PFDN2: variants seen among roughly 807,000 people sequenced by gnomAD.
The protein encoded by PFDN2 is prefoldin 2.
A neutral mutation model predicts 18.3 loss-of-function variants in PFDN2; 7 were observed. The observed-to-expected ratio is 0.38, with a 90% CI of 0.22 to 0.72. PFDN2 has a LOEUF of 0.72. Among genes scored for constraint, PFDN2 ranks in the 30% least tolerant of loss-of-function variants. PFDN2 has a pLI of 0.47. For synonymous variants in PFDN2, 76 were observed against 75.0 expected (o/e 1.01, Z -0.07); for missense variants, 181 against 199.1 (o/e 0.91, Z 0.55).
At chr1:161,108,546 T>C (rs529350135) in intron 1 of PFDN2, among the ~76,000 whole-genome samples, 31 of 146,868 alleles carry the variant, frequency 2.1e-4, no homozygotes, top group East Asian at 1.8e-3. Context: ...GCCTGGGCAA[T>C]AGAGTGAGAC....
chr1:161,103,625 C>A (rs1280432869), intron 1 of PFDN2, among the ~76,000 whole-genome samples: 7 of 127,160 alleles, frequency 5.5e-5, no homozygotes, highest in African/African-American at 1.9e-4. Flanking sequence ...GCGGAGGTTG[C>A]AGTGAGCTGA....
intron 1 of PFDN2, among the ~76,000 whole-genome samples, chr1:161,107,520 A>G (rs1654706638): frequency 6.6e-6 from 1 of 152,090 alleles, no homozygotes; most frequent in Non-Finnish European, 1.5e-5. Context: ...CCAATATAAA[A>G]TCTCTTTGGA....
intron 1 of PFDN2, among the ~76,000 whole-genome samples, chr1:161,115,004 CAG>C (rs769940963): frequency 2.6e-5 from 4 of 152,144 alleles, no homozygotes; most frequent in South Asian, 2.1e-4. Flanking sequence ...TCTCATTATC[CAG>C]AGTTATCCAA....
At chr1:161,102,213 A>C in intron 2 of PFDN2, 42 bp from the exon 3 acceptor site, 1 of 1,613,536 alleles carries the variant, frequency 6.2e-7, no homozygotes, top group Admixed American at 1.7e-5. Context: ...ATTCAGCCCC[A>C]CTCTACTACA....
chr1:161,113,326 A>G (rs1454911546), intron 1 of PFDN2, among the ~76,000 whole-genome samples: 7 of 152,228 alleles, frequency 4.6e-5, no homozygotes, highest in Non-Finnish European at 7.3e-5. Flanking sequence ...TAATCATGGC[A>G]TAAGTGAAAA....
intron 1 of PFDN2, among the ~76,000 whole-genome samples, chr1:161,109,595 ACTAT>A (rs1186370720): frequency 9.9e-5 from 15 of 152,174 alleles, no homozygotes. Context: ...ACTGTGCTAG[ACTAT>A]CTCATTTAAT....
chr1:161,108,433 G>A (rs943212562), intron 1 of PFDN2, among the ~76,000 whole-genome samples: 5 of 149,134 alleles, frequency 3.4e-5, no homozygotes, highest in Non-Finnish European at 7.4e-5. Context: ...ACTCCAGCCT[G>A]GGCACAAGAC....
intron 1 of PFDN2, among the ~76,000 whole-genome samples, chr1:161,114,106 C>T (rs1382467451): frequency 3.3e-5 from 5 of 152,184 alleles, no homozygotes; most frequent in African/African-American, 7.2e-5. Context: ...TCCATAACCA[C>T]GGCTTTATCA....
intron 3 of PFDN2, among the ~76,000 whole-genome samples, chr1:161,101,306 T>A (rs908630740): frequency 6.6e-6 from 1 of 151,906 alleles, no homozygotes; most frequent in African/African-American, 2.4e-5. Context: ...TTCACGCCAT[T>A]CTCCTGCCTT....
At chr1:161,102,403 A>C in intron 1 of PFDN2, 28 bp from the exon 2 acceptor site, 1 of 1,577,706 alleles carries the variant, frequency 6.3e-7, no homozygotes, top group Non-Finnish European at 8.7e-7. Context: ...GAGATGAAAG[A>C]GGGGATAGTG....
intron 1 of PFDN2, among the ~76,000 whole-genome samples, chr1:161,103,664 A>G (rs1324419592): frequency 7.0e-6 from 1 of 141,918 alleles, no homozygotes; most frequent in Non-Finnish European, 1.5e-5. Flanking sequence ...CAGCCTGGCA[A>G]CAGAGCAAGA....
chr1:161,100,904 T>A, intron 3 of PFDN2, 45 bp from the exon 4 acceptor site: 2 of 1,444,742 alleles, frequency 1.4e-6, no homozygotes, highest in Non-Finnish European at 1.9e-6. Context: ...TCAGGACTCC[T>A]TTCCCCCACC....
intron 1 of PFDN2, among the ~76,000 whole-genome samples, chr1:161,114,988 A>G (rs1654878200): frequency 6.6e-6 from 1 of 152,268 alleles, no homozygotes; most frequent in African/African-American, 2.4e-5. Flanking sequence ...TTCATGTACA[A>G]TAGTCTCTCA....
chr1:161,103,922 C>T (rs1654630334), intron 1 of PFDN2, among the ~76,000 whole-genome samples: 1 of 152,108 alleles, frequency 6.6e-6, no homozygotes, highest in South Asian at 2.1e-4. Context: ...TGGCCTGGCA[C>T]AGACATTTAA....
chr1:161,117,237 CA>C (rs199852014), intron 1 of PFDN2, among the ~76,000 whole-genome samples: 5 of 149,742 alleles, frequency 3.3e-5, no homozygotes, highest in East Asian at 2.0e-4. Flanking sequence ...GACTCCGTCT[CA>C]AAAAAAAACG....
chr1:161,112,032 T>C (rs1654821621), intron 1 of PFDN2, among the ~76,000 whole-genome samples: 1 of 152,230 alleles, frequency 6.6e-6, no homozygotes, highest in Admixed American at 6.5e-5. Context: ...GGAGCTTTTT[T>C]GTGCCTGACA....
intron 1 of PFDN2, among the ~76,000 whole-genome samples, chr1:161,107,232 T>C (rs758167748): frequency 6.6e-6 from 1 of 152,188 alleles, no homozygotes; most frequent in Non-Finnish European, 1.5e-5. Context: ...CAGACCATCC[T>C]GGCTAATATG....
chr1:161,103,389 G>C (rs961189533), intron 1 of PFDN2, among the ~76,000 whole-genome samples: 1 of 132,544 alleles, frequency 7.5e-6, no homozygotes, highest in African/African-American at 2.7e-5. Context: ...TTCAAAAATA[G>C]CCCTTTAAAA....
intron 1 of PFDN2, among the ~76,000 whole-genome samples, chr1:161,106,401 C>A (rs945001725): frequency 2.0e-5 from 3 of 152,162 alleles, no homozygotes; most frequent in Admixed American, 1.3e-4. Flanking sequence ...AATATTAAGC[C>A]ATTTCTGGGG....
Sources: gnomAD v4.1 joint callset for allele counts (sites outside exome capture counted in the v4.1 genomes callset) on GRCh38, gnomAD v4.1.1 for gene constraint, MANE v1.5 for transcripts, NCBI Gene and HGNC (gene_info 2026-07-23, HGNC 2026-07-21) for gene names.